Variants in SCN11A observed in about 807,000 individuals in gnomAD.
SCN11A encodes the protein sodium channel protein type 11 subunit alpha.
Under a neutral mutation model 162.2 loss-of-function variants are expected in SCN11A, and 122 were observed. The observed-to-expected ratio is 0.75, with a 90% CI of 0.65 to 0.87. The LOEUF is 0.87. Ranked by LOEUF, SCN11A falls within the 40% of genes least tolerant of loss-of-function variation. SCN11A has a pLI of 0.00. For missense variants in SCN11A, 2,015 were observed against 2,181.6 expected, an observed-to-expected ratio of 0.92 and a Z score of 1.52; for synonymous variants, 758 against 751.5, an observed-to-expected ratio of 1.01 and a Z score of -0.14.
At chr3:38,848,036 T>C (rs991253373) in intron 29 of SCN11A, among the ~76,000 whole-genome samples, 6 of 152,214 alleles carry the variant, frequency 3.9e-5, no homozygotes, top group Non-Finnish European at 5.9e-5. Flanking sequence ...ACAATGTCTG[T>C]AGGGCTAGAG....
chr3:38,971,159 G>GT (rs554242537), intron 2 of SCN11A, among the ~76,000 whole-genome samples: 2,382 of 146,156 alleles, frequency 0.016, 27 homozygotes, highest in African/African-American at 0.032. Flanking sequence ...TCTTTTTCTT[G>GT]TTTTTTTTTT....
chr3:38,857,673 T>TCATCACCTAGGCACCTGGGAAGTTC (rs2064892544), intron 28 of SCN11A, among the ~76,000 whole-genome samples: 1 of 152,062 alleles, frequency 6.6e-6, no homozygotes, highest in African/African-American at 2.4e-5. Context: ...ACAAAAAGAT[T>TCATCACCTAGGCACCTGGGAAGTTC]ATCACCTAGG....
intron 2 of SCN11A, among the ~76,000 whole-genome samples, chr3:38,975,286 T>C (rs1014437805): frequency 6.6e-6 from 1 of 151,890 alleles, no homozygotes; most frequent in Non-Finnish European, 1.5e-5. Flanking sequence ...GAAGGGATGG[T>C]GAGTAAAAAC....
intron 2 of SCN11A, among the ~76,000 whole-genome samples, chr3:39,004,671 T>C (rs933212362): frequency 6.6e-6 from 1 of 152,206 alleles, no homozygotes; most frequent in Non-Finnish European, 1.5e-5. Flanking sequence ...ATGTTTTTTT[T>C]CCCATTTGTT....
At chr3:39,004,459 C>A (rs564019751) in intron 2 of SCN11A, among the ~76,000 whole-genome samples, 1 of 152,246 alleles carries the variant, frequency 6.6e-6, no homozygotes, top group Admixed American at 6.5e-5. Flanking sequence ...TAATGTGACA[C>A]CTCCAGCTTT....
chr3:38,910,738 T>A (rs2065876238), intron 11 of SCN11A, among the ~76,000 whole-genome samples: 1 of 152,184 alleles, frequency 6.6e-6, no homozygotes, highest in African/African-American at 2.4e-5. Flanking sequence ...TATAGTTCTA[T>A]GATTTATTTA....
At chr3:38,908,487 A>G (rs2065836023) in intron 13 of SCN11A, among the ~76,000 whole-genome samples, 1 of 152,134 alleles carries the variant, frequency 6.6e-6, no homozygotes. Flanking sequence ...GTGCGAGTAT[A>G]AAACATGGTC....
intron 7 of SCN11A, among the ~76,000 whole-genome samples, chr3:38,934,094 T>A (rs2066289314): frequency 1.3e-5 from 2 of 152,218 alleles, no homozygotes; most frequent in Non-Finnish European, 2.9e-5. Flanking sequence ...AAAAGAATTT[T>A]CAACCCAGAA....
At chr3:38,927,433 ATT>A (rs148378524) in intron 7 of SCN11A, among the ~76,000 whole-genome samples, 2,418 of 152,316 alleles carry the variant, frequency 0.016, 67 homozygotes, top group African/African-American at 0.056. Flanking sequence ...TCCCAATGAC[ATT>A]TTTTACAAAA....
intron 23 of SCN11A, among the ~76,000 whole-genome samples, chr3:38,878,188 A>C (rs892015162): frequency 6.6e-6 from 1 of 151,350 alleles, no homozygotes; most frequent in Non-Finnish European, 1.5e-5. Context: ...ATAAATAAAT[A>C]AATAAACCCA....
intron 20 of SCN11A, 57 bp downstream of exon 20, chr3:38,886,068 T>C (rs948702953): frequency 1.8e-6 from 2 of 1,103,040 alleles, no homozygotes; most frequent in African/African-American, 3.1e-5. Flanking sequence ...ATAACTATCC[T>C]GGAGAAGGTG....
At chr3:38,926,769 C>A (rs1559536718) in intron 8 of SCN11A, 34 bp downstream of exon 8, 1 of 1,606,170 alleles carries the variant, frequency 6.2e-7, no homozygotes, top group East Asian at 2.2e-5. Flanking sequence ...TTTCCCACTC[C>A]AAGTCTCTTC....
Position 38,850,615 on chromosome 3 carries a change from A to G in SCN11A, c.4193T>C (p.Leu1398Pro). Residue 1398 changes from leucine to proline, a missense_variant, in exon 29 of 30, where the codon CTT becomes CCT. Coordinates refer to ENST00000302328, the MANE Select transcript of SCN11A (RefSeq NM_001349253.2). ...CACAAAGACCCAGTTGAGATGGTCA[A>G]GGATGGATTTCATGGCTTTGGGTTG... is the stretch of plus-strand genomic sequence containing the variant. ...YNQPKAMKSI[L>P]DHLNWVFVVI... 10 of 1,614,084 alleles carry G rather than the reference A, an allele frequency of 6.2e-6. No homozygotes were observed. Among genetic ancestry groups the G allele is most frequent in the Non-Finnish European group, 8.5e-6 (10 of 1,179,936 alleles).
intron 1 of SCN11A, among the ~76,000 whole-genome samples, chr3:39,041,387 C>T (rs1290538085): frequency 6.6e-6 from 1 of 152,132 alleles, no homozygotes; most frequent in African/African-American, 2.4e-5. Context: ...CAAAAAAGTC[C>T]TCTCTGAAGC....
chr3:39,026,537 C>T (rs911975339), intron 2 of SCN11A, among the ~76,000 whole-genome samples: 6 of 151,754 alleles, frequency 4.0e-5, no homozygotes, highest in African/African-American at 1.5e-4. Flanking sequence ...TCAAGGAAAA[C>T]CAGGGCCAGA....
chr3:38,987,295 T>TATCA (rs1353546198), intron 2 of SCN11A, among the ~76,000 whole-genome samples: 3 of 116,494 alleles, frequency 2.6e-5, no homozygotes, highest in Non-Finnish European at 5.0e-5. Context: ...TCTCTCTCTC[T>TATCA]CTCTCTCTCA....
At chr3:38,990,238 C>A (rs968582779) in intron 2 of SCN11A, among the ~76,000 whole-genome samples, 1 of 152,104 alleles carries the variant, frequency 6.6e-6, no homozygotes, top group Non-Finnish European at 1.5e-5. Context: ...TCGACTTATC[C>A]GAGGTGCTGG....
chr3:38,878,554 A>G (rs181257220), intron 23 of SCN11A, among the ~76,000 whole-genome samples: 2 of 152,196 alleles, frequency 1.3e-5, no homozygotes, highest in African/African-American at 2.4e-5. Context: ...ATCTATTAAG[A>G]TAATACGTAC....
At chr3:38,940,845 T>A (rs1421501019) in intron 7 of SCN11A, among the ~76,000 whole-genome samples, 3 of 151,954 alleles carry the variant, frequency 2.0e-5, no homozygotes, top group Non-Finnish European at 4.4e-5. Flanking sequence ...ATAAGCAAAA[T>A]TAAGAGACCA....
Sources: gnomAD v4.1 joint callset for allele counts (sites outside exome capture counted in the v4.1 genomes callset) on GRCh38, gnomAD v4.1.1 for gene constraint, MANE v1.5 for transcripts, NCBI Gene and HGNC (gene_info 2026-07-23, HGNC 2026-07-21) for gene names.